CELF2: variants seen among roughly 807,000 people sequenced by gnomAD.
CELF2 encodes CUGBP Elav-like family member 2.
CELF2 carries 8 observed loss-of-function variants against 62.6 expected under a neutral mutation model. The observed-to-expected ratio is 0.13, with a 90% CI of 0.07 to 0.23. CELF2 has a LOEUF of 0.23. Among genes scored for constraint, CELF2 ranks in the 10% least tolerant of loss-of-function variants. The pLI is 1.00. For synonymous variants in CELF2, 258 were observed against 250.0 expected (o/e 1.03, Z -0.30); for missense variants, 333 against 671.0 (o/e 0.50, Z 5.56).
intron 1 of CELF2, among the ~76,000 whole-genome samples, chr10:10,877,451 G>C (rs1189960924): frequency 6.6e-6 from 1 of 152,250 alleles, no homozygotes; most frequent in Non-Finnish European, 1.5e-5. Flanking sequence ...GTCGTAGGTA[G>C]ATTCCAGACA....
At chr10:11,229,936 T>C (rs1229067015) in intron 3 of CELF2, among the ~76,000 whole-genome samples, 1 of 152,152 alleles carries the variant, frequency 6.6e-6, no homozygotes, top group Non-Finnish European at 1.5e-5. Context: ...CAGGCAAGTT[T>C]TAGAACTTCT....
intron 1 of CELF2, among the ~76,000 whole-genome samples, chr10:10,863,384 T>C (rs2060158900): frequency 6.6e-6 from 1 of 152,180 alleles, no homozygotes; most frequent in African/African-American, 2.4e-5. Context: ...TTCTTCCAAG[T>C]GCTTTTACAT....
rs1420682370 is a variant in CELF2, at chr10:11,145,427, G to A, written c.75-20059G>A. 2.0e-5 allele frequency among the ~76,000 whole-genome samples: 3 copies of A among 152,230 alleles called. No homozygotes were observed. The highest frequency in any genetic ancestry group is 2.9e-5 in the Non-Finnish European group (2 of 68,042). ...AGCAGGTTGTATGCAGGACTCCCAC[G>A]TTTGAAAACATGACTGCCTGGTGAG... On this transcript the variant is annotated intron_variant, in intron 1 of 12. Coordinates refer to ENST00000633077, the MANE Select transcript of CELF2 (RefSeq NM_001326342.2). This position sits in a 1 kb window ranked among gnomAD's most constrained non-coding sequence, Gnocchi z 4.3.
the CELF2 span, among the ~76,000 whole-genome samples, chr10:10,703,067 A>G: frequency 1.3e-5 from 2 of 152,156 alleles, no homozygotes; most frequent in African/African-American, 4.8e-5. Context: ...CTCCTCCAGA[A>G]CCAACCCGAC....
At chr10:10,903,132 A>C (rs186230673) in intron 1 of CELF2, among the ~76,000 whole-genome samples, 5 of 152,312 alleles carry the variant, frequency 3.3e-5, no homozygotes, top group Admixed American at 3.3e-4. Flanking sequence ...TAATCTCACT[A>C]AGACTGGCCC....
intron 2 of CELF2, among the ~76,000 whole-genome samples, chr10:10,984,621 C>A (rs1306083886): frequency 6.6e-6 from 1 of 152,120 alleles, no homozygotes; most frequent in East Asian, 1.9e-4. Flanking sequence ...CATGCATGCC[C>A]TCCCTTTAAA....
chr10:11,005,308 C>G, upstream of CELF2: 1 of 1,598,512 alleles, frequency 6.3e-7, no homozygotes, highest in South Asian at 1.1e-5. This position sits in a 1 kb window ranked among gnomAD's most constrained non-coding sequence, Gnocchi z 4.3. Context: ...GGAGAGGGCG[C>G]GTTAGTGAGC....
chr10:10,583,456 T>C, the CELF2 span, among the ~76,000 whole-genome samples: 1 of 152,176 alleles, frequency 6.6e-6, no homozygotes, highest in African/African-American at 2.4e-5. Context: ...GGAAGTGGTC[T>C]CTCAATGCCC....
intron 2 of CELF2, among the ~76,000 whole-genome samples, chr10:10,991,700 G>C (rs2053459958): frequency 6.6e-6 from 1 of 152,106 alleles, no homozygotes; most frequent in Non-Finnish European, 1.5e-5. Context: ...AGCCACTGCA[G>C]CTGCCCCCAA....
intron 1 of CELF2, among the ~76,000 whole-genome samples, chr10:11,081,065 T>A (rs1369001011): frequency 7.2e-6 from 1 of 138,718 alleles, no homozygotes; most frequent in Non-Finnish European, 1.6e-5. Flanking sequence ...TTAGAAAAAA[T>A]TATTCTTTAA....
At chr10:10,552,651 A>G in the CELF2 span, among the ~76,000 whole-genome samples, 5 of 152,198 alleles carry the variant, frequency 3.3e-5, no homozygotes, top group East Asian at 1.9e-4. Context: ...AGTCTGCATC[A>G]CGGCTAGAGA....
At chr10:10,819,575 C>T (rs532168237) in intron 1 of CELF2, among the ~76,000 whole-genome samples, 10 of 152,238 alleles carry the variant, frequency 6.6e-5, no homozygotes, top group South Asian at 2.1e-4. Flanking sequence ...ATGGCTTCCA[C>T]GAGACTGGAG....
the CELF2 span, among the ~76,000 whole-genome samples, chr10:10,641,516 C>G: frequency 2.6e-5 from 4 of 152,146 alleles, no homozygotes; most frequent in African/African-American, 9.7e-5. Context: ...TCTCTGCTCA[C>G]TGCAATTTCT....
chr10:11,025,239 G>GTATGTATATATATA (rs140049096), intron 1 of CELF2, among the ~76,000 whole-genome samples: 1 of 140,998 alleles, frequency 7.1e-6, no homozygotes, highest in Non-Finnish European at 1.5e-5. Flanking sequence ...GTGTGTGTGT[G>GTATGTATATATATA]TATATGTATG....
chr10:10,584,278 G>C, the CELF2 span, among the ~76,000 whole-genome samples: 2 of 152,300 alleles, frequency 1.3e-5, no homozygotes, highest in South Asian at 4.1e-4. Flanking sequence ...GATTCACAGA[G>C]ACTCCAGCAC....
the CELF2 span, among the ~76,000 whole-genome samples, chr10:10,470,210 T>A: frequency 6.6e-6 from 1 of 151,924 alleles, no homozygotes; most frequent in East Asian, 1.9e-4. Flanking sequence ...ATCCCCTGAT[T>A]ATTACAGGAT....
At chr10:10,892,703 C>T (rs1197159215) in intron 1 of CELF2, among the ~76,000 whole-genome samples, 4 of 152,132 alleles carry the variant, frequency 2.6e-5, no homozygotes, top group African/African-American at 4.8e-5. Flanking sequence ...TGTGTCATTC[C>T]CCAGATCTAC....
At position 11,318,949 on chromosome 10, in the gene CELF2, G is replaced by A. The variant is rs748378013; in HGVS notation, c.1097-2240G>A. 8 of 471,022 alleles carry A rather than the reference G, an allele frequency of 1.7e-5. No homozygotes were observed. Among genetic ancestry groups the A allele is most frequent in the African/African-American group, 6.0e-5 (3 of 50,070 alleles). The allele number at this position is 471,022 out of a possible 1,614,324, so 29.2% of individuals were successfully genotyped here. On this transcript the variant is annotated intron_variant, in intron 10 of 12. Coordinates refer to ENST00000633077, the MANE Select transcript of CELF2 (RefSeq NM_001326342.2). The surrounding 1 kb of genome is among the most constrained non-coding windows in gnomAD (Gnocchi z 5.4). ...AGCAGACAAGGCATCATGGTGGTGC[G>A]ATGCTGCCCACCCCTCCATGGGAAC...
At chr10:10,625,811 G>T in the CELF2 span, among the ~76,000 whole-genome samples, 1 of 152,182 alleles carries the variant, frequency 6.6e-6, no homozygotes, top group African/African-American at 2.4e-5. Context: ...GAGGAACAGG[G>T]TCGATCTGAG....
Sources: allele counts gnomAD v4.1 joint callset (sites outside exome capture counted in the v4.1 genomes callset), GRCh38; gene constraint gnomAD v4.1.1; non-coding constraint Gnocchi (gnomAD v3.1); transcripts MANE v1.5; gene names NCBI Gene and HGNC (gene_info 2026-07-23, HGNC 2026-07-21).